Variants in PARD3B observed in about 807,000 individuals in gnomAD.
The protein encoded by PARD3B is par-3 family cell polarity regulator beta.
PARD3B carries 103 observed loss-of-function variants against 130.2 expected under a neutral mutation model. That is an observed-to-expected ratio of 0.79 (90% CI 0.67 to 0.93). The LOEUF (loss-of-function observed/expected upper bound fraction) is 0.93. Ranked by LOEUF, PARD3B falls within the 40% of genes least tolerant of loss-of-function variation. The pLI, the probability that PARD3B is intolerant of heterozygous loss-of-function variation, is 0.00. For missense variants in PARD3B, 1,609 were observed against 1,499.2 expected (o/e 1.07, Z -1.21); for synonymous variants, 583 against 553.2 (o/e 1.05, Z -0.76).
At chr2:205,449,994 T>C (rs2048042198) in intron 20 of PARD3B, among the ~76,000 whole-genome samples, 1 of 152,202 alleles carries the variant, frequency 6.6e-6, no homozygotes, top group South Asian at 2.1e-4. Context: ...CCTGAGACTA[T>C]AGATTTATCT....
At chr2:205,102,351 T>C (rs1463009047) in intron 4 of PARD3B, among the ~76,000 whole-genome samples, 1 of 151,836 alleles carries the variant, frequency 6.6e-6, no homozygotes, top group African/African-American at 2.4e-5. Context: ...AAGTTAATGA[T>C]TTTGGCAAAA....
At position 204,866,295 on chromosome 2, in the gene PARD3B, G is replaced by T. The variant is rs925716973; in HGVS notation, c.223-98857G>T. On this transcript the variant is annotated intron_variant, in intron 2 of 22. Coordinates refer to ENST00000406610, the MANE Select transcript of PARD3B (RefSeq NM_001302769.2). ...AATAACTCTGGGACTTTTTGTTCTG[G>T]TTACTTATTCTCTGTGAGCTTTTGT... 3.3e-5 allele frequency among the ~76,000 whole-genome samples: 5 copies of T among 151,992 alleles called. No homozygotes were observed. The South Asian group carries it at 8.3e-4, about 25-fold the overall frequency.
At chr2:205,120,301 A>C (rs2030528940) in intron 7 of PARD3B, among the ~76,000 whole-genome samples, 1 of 152,164 alleles carries the variant, frequency 6.6e-6, no homozygotes, top group Admixed American at 6.5e-5. Context: ...TTTAGTATAG[A>C]GTTAGTATGG....
At position 204,545,601 on chromosome 2, in the gene PARD3B, C is replaced by T. The variant is rs963934489; in HGVS notation, c.-399C>T. Among the ~76,000 whole-genome samples the T allele has an allele frequency of 1.3e-5, 2 of 152,036 alleles. No homozygotes were observed. The highest frequency in any genetic ancestry group is 2.9e-5 in the Non-Finnish European group (2 of 67,986). On this transcript the variant is annotated 5_prime_UTR_variant, in exon 1 of 23. Coordinates refer to ENST00000406610, the MANE Select transcript of PARD3B (RefSeq NM_001302769.2). ...TCCAGCCCCCGGCTTGGGGCCGGCC[C>T]TGCCAACGCCGCCAGGGCCAGGGCC...
intron 2 of PARD3B, among the ~76,000 whole-genome samples, chr2:204,708,875 G>A (rs1052274268): frequency 6.6e-5 from 10 of 152,136 alleles, no homozygotes; most frequent in Non-Finnish European, 1.2e-4. Flanking sequence ...ATTTTAAAAT[G>A]CCTTTCTTAA....
At chr2:205,129,488 G>A (rs1185729548) in intron 10 of PARD3B, among the ~76,000 whole-genome samples, 2 of 152,160 alleles carry the variant, frequency 1.3e-5, no homozygotes, top group African/African-American at 4.8e-5. Context: ...TATCACTTTG[G>A]TCTCTTCTTC....
intron 4 of PARD3B, among the ~76,000 whole-genome samples, chr2:205,068,322 A>G (rs1235725091): frequency 6.6e-6 from 1 of 152,202 alleles, no homozygotes; most frequent in Non-Finnish European, 1.5e-5. Context: ...AAAGTAATCT[A>G]CACTTTATGT....
At chr2:204,650,539 C>T (rs2035441063) in intron 1 of PARD3B, among the ~76,000 whole-genome samples, 1 of 152,142 alleles carries the variant, frequency 6.6e-6, no homozygotes, top group Non-Finnish European at 1.5e-5. Flanking sequence ...AAATGTGGTA[C>T]ATATACATCA....
At chr2:204,973,647 CA>C (rs901297080) in intron 3 of PARD3B, among the ~76,000 whole-genome samples, 1 of 151,654 alleles carries the variant, frequency 6.6e-6, no homozygotes, top group Non-Finnish European at 1.5e-5. Context: ...CAGAGTTGGA[CA>C]CGCTTTCGTG....
chr2:205,361,330 C>T (rs901043717), intron 18 of PARD3B, among the ~76,000 whole-genome samples: 5 of 152,094 alleles, frequency 3.3e-5, no homozygotes, highest in African/African-American at 1.2e-4. Flanking sequence ...TTATGCCATA[C>T]CTCTGGAATC....
chr2:204,635,696 G>C (rs1290131797), intron 1 of PARD3B, among the ~76,000 whole-genome samples: 2 of 152,114 alleles, frequency 1.3e-5, no homozygotes. Context: ...GGGATATGTG[G>C]TTCGGGCCTG....
intron 2 of PARD3B, among the ~76,000 whole-genome samples, chr2:204,791,059 G>A (rs1478509299): frequency 6.6e-6 from 1 of 151,882 alleles, no homozygotes; most frequent in Non-Finnish European, 1.5e-5. Context: ...GAGCCAAGAT[G>A]ACGCCACCGC....
At chr2:205,523,199 C>A (rs1265409797) in intron 21 of PARD3B, among the ~76,000 whole-genome samples, 132 of 135,678 alleles carry the variant, frequency 9.7e-4, no homozygotes, top group African/African-American at 3.3e-3. Context: ...TTCTTACCCC[C>A]GTGTACTATA....
chr2:204,757,778 A>T (rs2040742008), intron 2 of PARD3B, among the ~76,000 whole-genome samples: 1 of 152,268 alleles, frequency 6.6e-6, no homozygotes, highest in Non-Finnish European at 1.5e-5. Flanking sequence ...CTTTTGAAGT[A>T]GTCTACAAAT....
chr2:205,322,889 C>CTTTTTTTTTTTTTTTTTTTTTTTTT (rs71032461), intron 18 of PARD3B, among the ~76,000 whole-genome samples: 3 of 51,466 alleles, frequency 5.8e-5, no homozygotes, highest in South Asian at 7.2e-4. Flanking sequence ...ATTAACACCT[C>CTTTTTTTTTTTTTTTTTTTTTTTTT]TTTTTTTTTT....
intron 10 of PARD3B, among the ~76,000 whole-genome samples, chr2:205,143,549 G>C (rs898802367): frequency 7.2e-5 from 11 of 152,156 alleles, no homozygotes; most frequent in African/African-American, 2.7e-4. Flanking sequence ...CAGGAATTAA[G>C]GCCATAGAAA....
chr2:204,616,079 A>G (rs2034101376), intron 1 of PARD3B, among the ~76,000 whole-genome samples: 1 of 152,166 alleles, frequency 6.6e-6, no homozygotes. Context: ...CTTTTTAGGT[A>G]CAACACCAAA....
chr2:205,264,570 CATG>C (rs2040433641), intron 16 of PARD3B, among the ~76,000 whole-genome samples: 1 of 150,970 alleles, frequency 6.6e-6, no homozygotes, highest in Non-Finnish European at 1.5e-5. Context: ...ATTAGTGAGA[CATG>C]AGAACATAGA....
intron 2 of PARD3B, among the ~76,000 whole-genome samples, chr2:204,741,708 G>C (rs74709690): frequency 0.021 from 3,182 of 152,144 alleles, 105 homozygotes; most frequent in African/African-American, 0.073. Context: ...AATTATACCC[G>C]TAATTTGGCA....
Sources: allele counts gnomAD v4.1 joint callset (sites outside exome capture counted in the v4.1 genomes callset), GRCh38; gene constraint gnomAD v4.1.1; transcripts MANE v1.5; gene names NCBI Gene and HGNC (gene_info 2026-07-23, HGNC 2026-07-21).